The following PON3 variants were observed in gnomAD, a reference collection of about 807,000 sequenced individuals.
PON3 encodes serum paraoxonase/lactonase 3.
In PON3, 37 loss-of-function variants were observed where a neutral mutation model predicts 36.3. The ratio of observed to expected loss-of-function variants is 1.02; its 90% CI spans 0.78 to 1.34. The LOEUF is 1.34. Ranked by LOEUF, PON3 falls within the 40% of genes most tolerant of loss-of-function variation. PON3 has a pLI of 0.00. For synonymous variants in PON3, 155 were observed against 154.8 expected (o/e 1.00, Z -0.01); for missense variants, 415 against 426.5 (o/e 0.97, Z 0.24).
intron 3 of PON3, among the ~76,000 whole-genome samples, chr7:95,374,407 G>C (rs1808871800): frequency 6.6e-6 from 1 of 151,628 alleles, no homozygotes; most frequent in African/African-American, 2.4e-5. Context: ...TGTTCTCTAG[G>C]GTCTGTCTCT....
intron 4 of PON3, among the ~76,000 whole-genome samples, chr7:95,369,139 A>T (rs1808757338): frequency 6.6e-6 from 1 of 152,122 alleles, no homozygotes; most frequent in African/African-American, 2.4e-5. Flanking sequence ...TCCATCTATA[A>T]AGTTGAATAT....
intron 4 of PON3, among the ~76,000 whole-genome samples, chr7:95,369,034 G>C (rs2116385656): frequency 6.6e-6 from 1 of 152,190 alleles, no homozygotes; most frequent in East Asian, 1.9e-4. Context: ...CACAGGATTA[G>C]AAGTGAGACC....
intron 4 of PON3, among the ~76,000 whole-genome samples, chr7:95,368,264 T>C (rs1316094492): frequency 6.6e-6 from 1 of 152,220 alleles, no homozygotes; most frequent in African/African-American, 2.4e-5. Flanking sequence ...TTGATCTGTA[T>C]TCATCTTCCC....
In PON3 at chr7:95,377,687, C is replaced by T. The variant is rs147546466; in HGVS notation, c.202-5349G>A. ...CCAACAGACCTGCAGCTGAGAGGCGCGACTGTTAGAAGGAAAACTAACAAA... is the reference window on the plus strand; with the variant it reads ...CCAACAGACCTGCAGCTGAGAGGCGTGACTGTTAGAAGGAAAACTAACAAA... On this transcript the variant is annotated intron_variant, in intron 3 of 8. Coordinates refer to ENST00000265627, the MANE Select transcript of PON3 (RefSeq NM_000940.3). 2,167 of 245,046 alleles carry T rather than the reference C, an allele frequency of 8.8e-3. 58 individuals carry two copies. The highest frequency in any genetic ancestry group is 0.046 in the African/African-American group (1,949 of 42,626). The allele number at this position is 245,046 out of a possible 1,614,324, so 15.2% of individuals were successfully genotyped here. A position where few individuals can be genotyped will look rare whatever the true frequency, so the allele number is the denominator to read the frequency against.
At chr7:95,387,076 A>G (rs1172787111) in intron 3 of PON3, among the ~76,000 whole-genome samples, 2 of 152,220 alleles carry the variant, frequency 1.3e-5, no homozygotes, top group African/African-American at 4.8e-5. Context: ...AAACCTGCAC[A>G]AGACAAGGAT....
chr7:95,387,278 TTCAGCAAA>T (rs1809216638), intron 3 of PON3, among the ~76,000 whole-genome samples: 1 of 152,182 alleles, frequency 6.6e-6, no homozygotes, highest in Non-Finnish European at 1.5e-5. Flanking sequence ...GATAAGCAAC[TTCAGCAAA>T]GTTTCAGGAT....
At position 95,396,340 on chromosome 7, in the gene PON3, A is replaced by G. The variant is rs774019111; in HGVS notation, c.11T>C (p.Leu4Pro). The part of the protein sequence containing the change: MGK[L>P]VALVLLGVGL... ...GACCCCCAGCAGGACCAGCGCCACG[A>G]GCTTCCCCATGGTCTCGGGGTGCCC... is the stretch of plus-strand genomic sequence containing the variant. Residue 4 changes from leucine (L) to proline (P), a missense_variant, in exon 1 of 9, where the codon CTC becomes CCC. Leu to Pro is a moderately conservative substitution (Grantham distance 98). Coordinates refer to ENST00000265627, the MANE Select transcript of PON3 (RefSeq NM_000940.3). 5 of 1,613,810 alleles carry G rather than the reference A, an allele frequency of 3.1e-6. No homozygotes were observed. Among genetic ancestry groups the G allele is most frequent in the Non-Finnish European group, 4.2e-6 (5 of 1,179,912 alleles).
At position 95,362,384 on chromosome 7, in the gene PON3, G is replaced by A. The variant is rs1306854798; in HGVS notation, c.884C>T (p.Pro295Leu). The A allele has an allele frequency of 6.2e-7, 1 of 1,613,746 alleles. No homozygotes were observed. Among genetic ancestry groups the A allele is most frequent in the South Asian group, 1.1e-5 (1 of 91,078 alleles). ...PNPMKLLNYNPEDPPGSEVLR... is the reference protein window; with the variant it reads ...PNPMKLLNYNLEDPPGSEVLR... The stretch of plus-strand genomic sequence containing the variant: ...TACTTCTGATCCTGGAGGGTCCTCA[G>A]GGTTATAGTTCAGTAGCTTCATAGG... The change falls in exon 8 of 9, where the codon CCT (proline) becomes CTT (leucine). Residue 295 changes from proline to leucine, a missense_variant. Pro to Leu is a moderately conservative substitution (Grantham distance 98). Transcript: ENST00000265627.
intron 3 of PON3, among the ~76,000 whole-genome samples, chr7:95,372,920 T>G (rs1808841745): frequency 1.3e-5 from 2 of 152,242 alleles, no homozygotes; most frequent in African/African-American, 4.8e-5. Flanking sequence ...CTGAAAATTC[T>G]GACATGAATG....
chr7:95,366,396 C>T (rs1248491739), intron 5 of PON3, among the ~76,000 whole-genome samples: 2 of 152,200 alleles, frequency 1.3e-5, no homozygotes, highest in African/African-American at 4.8e-5. Context: ...AGTTCAATAA[C>T]TTCAACTTCT....
Position 95,362,849 on chromosome 7 carries a change from G to A in PON3, c.696-8C>T. 6.3e-7 allele frequency: 1 copy of A among 1,592,842 alleles called. No individual in the cohort carries two copies. The highest frequency in any genetic ancestry group is 8.6e-7 in the Non-Finnish European group (1 of 1,161,202). ...TCAGCTACATAGACATACCTTTGAA[G>A]TAAATGACATTTACACTTAAGCAAG... On this transcript the variant is annotated splice_polypyrimidine_tract_variant and splice_region_variant and intron_variant, in intron 6 of 8. Transcript: ENST00000265627.
At chr7:95,367,603 C>A (rs1306695265) in intron 4 of PON3, 115 bp from the exon 5 acceptor site, 1 of 1,062,158 alleles carries the variant, frequency 9.4e-7, no homozygotes, top group African/African-American at 1.6e-5. Flanking sequence ...TTGCATTTTA[C>A]CCTCACAGTC....
In PON3 at chr7:95,367,367, G is replaced by T. The variant is rs977194379; in HGVS notation, c.489C>A (p.Leu163=). 4 of 1,612,100 alleles carry T rather than the reference G, an allele frequency of 2.5e-6. No individual in the cohort carries two copies. The African/African-American group carries it at 4.0e-5, about 16-fold the overall frequency. ...ACAATACTTTCATTCCATACCTTTT[G>T]AGAAGTTCATGTTTTATAGTTTTCA... ...VYLKTIKHEL[L]KSVNDIVVLG... is the part of the protein sequence containing the mutation. Residue 163 remains leucine (L), a synonymous_variant, in exon 5 of 9, where the codon CTC becomes CTA. Coordinates refer to ENST00000265627, the MANE Select transcript of PON3 (RefSeq NM_000940.3).
intron 3 of PON3, among the ~76,000 whole-genome samples, chr7:95,389,503 A>T (rs1809271566): frequency 6.6e-6 from 1 of 152,214 alleles, no homozygotes; most frequent in Non-Finnish European, 1.5e-5. Context: ...TGATTTAACA[A>T]ATATTAATAT....
chr7:95,376,551 C>T (rs992397816), intron 3 of PON3, among the ~76,000 whole-genome samples: 9 of 151,856 alleles, frequency 5.9e-5, no homozygotes, highest in Non-Finnish European at 1.2e-4. Context: ...TTATTTAAAA[C>T]TTCATGTTAA....
intron 3 of PON3, among the ~76,000 whole-genome samples, chr7:95,385,352 T>TA (rs1250825103): frequency 1.3e-5 from 2 of 151,988 alleles, no homozygotes; most frequent in Non-Finnish European, 2.9e-5. Context: ...TAAAGTATAA[T>TA]AAAAAATATA....
intron 7 of PON3, 103 bp from the exon 8 acceptor site, chr7:95,362,593 T>C: frequency 6.4e-7 from 1 of 1,564,326 alleles, no homozygotes; most frequent in Non-Finnish European, 8.8e-7. Flanking sequence ...CACCTAAAGT[T>C]GGTGTTTTTA....
Position 95,362,425 on chromosome 7 carries a change from T to G in PON3, c.843A>C (p.Ala281=). The change falls in exon 8 of 9, where the codon GCA becomes GCC. Residue 281 remains alanine (A), a synonymous_variant. Coordinates refer to ENST00000265627, the MANE Select transcript of PON3 (RefSeq NM_000940.3). The part of the protein sequence containing the change: ...TVDPATGDIL[A]GCHPNPMKLL... ...GCTTCATAGGATTAGGATGGCATCC[T>G]GCCAAAATGTCTCCTGTGGCAGGAT... 6.2e-7 allele frequency: 1 copy of G among 1,613,810 alleles called. No individual in the cohort carries two copies. Among genetic ancestry groups the G allele is most frequent in the Non-Finnish European group, 8.5e-7 (1 of 1,179,776 alleles).
intron 3 of PON3, 77 bp downstream of exon 3, chr7:95,390,077 A>G (rs1428988899): frequency 3.6e-6 from 5 of 1,402,774 alleles, no homozygotes; most frequent in Non-Finnish European, 5.1e-6. Flanking sequence ...TCCATCTGGC[A>G]GCTCCAGAGG....
Sources: gnomAD v4.1 joint callset for allele counts (sites outside exome capture counted in the v4.1 genomes callset) on GRCh38, gnomAD v4.1.1 for gene constraint, MANE v1.5 for transcripts, NCBI Gene and HGNC (gene_info 2026-07-23, HGNC 2026-07-21) for gene names.